The following DLG5 variants were observed in gnomAD, a reference collection of about 807,000 sequenced individuals.
DLG5 encodes disks large homolog 5.
A neutral mutation model predicts 189.8 loss-of-function variants in DLG5; 48 were observed. The ratio of observed to expected loss-of-function variants is 0.25; its 90% CI spans 0.20 to 0.32. The LOEUF (loss-of-function observed/expected upper bound fraction) is 0.32. Among genes scored for constraint, DLG5 ranks in the 10% least tolerant of loss-of-function variants. The probability of loss-of-function intolerance (pLI) is 1.00; values close to 1 mark genes in which losing one functional copy is unlikely to be tolerated. For synonymous variants in DLG5, 1,016 were observed against 1,054.1 expected, an observed-to-expected ratio of 0.96 and a Z score of 0.70; for missense variants, 2,160 against 2,544.7, an observed-to-expected ratio of 0.85 and a Z score of 3.25.
At chr10:77,828,773 C>T (rs1322768174) in intron 13 of DLG5, 109 bp downstream of exon 13, 1 of 1,007,092 alleles carries the variant, frequency 9.9e-7, no homozygotes. Flanking sequence ...AGTACAATGC[C>T]CACAACAAGG....
chr10:77,817,717 G>A (rs2154575496), intron 18 of DLG5, 60 bp downstream of exon 18: 2 of 1,427,006 alleles, frequency 1.4e-6, no homozygotes, highest in Non-Finnish European at 1.9e-6. Context: ...ACATTAGGAT[G>A]CAGGCAGAGA....
chr10:77,826,896 C>T (rs1470693700), intron 13 of DLG5, among the ~76,000 whole-genome samples: 1 of 151,802 alleles, frequency 6.6e-6, no homozygotes, highest in African/African-American at 2.4e-5. Flanking sequence ...TACAGTGAGC[C>T]CAGATCACAC....
At chr10:77,828,064 A>T (rs1203697017) in intron 13 of DLG5, among the ~76,000 whole-genome samples, 1 of 150,540 alleles carries the variant, frequency 6.6e-6, no homozygotes, top group African/African-American at 2.4e-5. Flanking sequence ...AAAAAATTTA[A>T]AAATAAGTAT....
chr10:77,925,192 G>A (rs1846648429), intron 1 of DLG5, among the ~76,000 whole-genome samples: 1 of 152,158 alleles, frequency 6.6e-6, no homozygotes, highest in African/African-American at 2.4e-5. Context: ...AATACTTTCT[G>A]AGCATTTTAA....
chr10:77,833,064 C>T (rs1203854005), intron 9 of DLG5, among the ~76,000 whole-genome samples: 2 of 152,174 alleles, frequency 1.3e-5, no homozygotes, highest in East Asian at 3.9e-4. Context: ...TGCCCCCTCA[C>T]CACACTAACA....
At position 77,821,160 on chromosome 10, in the gene DLG5, C is replaced by G; in HGVS notation, c.3324G>C (p.Gln1108His). The change falls in exon 15 of 32, where the codon CAG becomes CAC. Residue 1108 changes from glutamine to histidine, a missense_variant. By Grantham distance (24) the Gln-to-His change is conservative. Transcript: ENST00000372391. ...GAGCAGATTTTGGCCGGCGACGCTT[C>G]TGCCCCAGCTCATCCACCTTCTGGG... The part of the protein sequence containing the change: ...LTSQKVDELG[Q>H]KRRRPKSAPS... The G allele has an allele frequency of 1.2e-6, 2 of 1,614,186 alleles. No individual in the cohort carries two copies. The highest frequency in any genetic ancestry group is 1.7e-6 in the Non-Finnish European group (2 of 1,180,052).
chr10:77,832,003 T>A (rs769131491), intron 9 of DLG5, among the ~76,000 whole-genome samples: 2 of 151,674 alleles, frequency 1.3e-5, no homozygotes, highest in African/African-American at 2.4e-5. Flanking sequence ...AGGTCAGGGG[T>A]TCAAGACCAG....
intron 20 of DLG5, 149 bp from the exon 21 acceptor site, chr10:77,812,526 G>C (rs1052151288): frequency 8.0e-6 from 7 of 879,554 alleles, no homozygotes; most frequent in African/African-American, 1.7e-5. Flanking sequence ...ATGGGGACAT[G>C]GTGGGCCCAC....
At chr10:77,905,815 T>A (rs1846056587) in intron 1 of DLG5, among the ~76,000 whole-genome samples, 1 of 152,188 alleles carries the variant, frequency 6.6e-6, no homozygotes, top group Non-Finnish European at 1.5e-5. Context: ...TTCCCTCCCC[T>A]CACCCACAGT....
intron 1 of DLG5, among the ~76,000 whole-genome samples, chr10:77,887,198 C>G (rs992143184): frequency 6.6e-6 from 1 of 152,206 alleles, no homozygotes; most frequent in Non-Finnish European, 1.5e-5. Context: ...CCCCAAGGCT[C>G]TCCAAGATCA....
At position 77,796,339 on chromosome 10, in the gene DLG5, T is replaced by C; in HGVS notation, c.5308+112A>G. 6.3e-6 allele frequency: 10 copies of C among 1,586,564 alleles called. No homozygotes were observed. Among genetic ancestry groups the C allele is most frequent in the Non-Finnish European group, 8.6e-6 (10 of 1,162,914 alleles). ...ATGTCAGCAGGCTTCTGGAACACTG[T>C]GAAATCTGCCCCCCGGTACTGCCAC... On this transcript the variant is annotated intron_variant, in intron 28 of 31. Transcript: ENST00000372391. This position sits in a 1 kb window ranked among gnomAD's most constrained non-coding sequence, Gnocchi z 5.2.
intron 1 of DLG5, among the ~76,000 whole-genome samples, chr10:77,892,061 C>G (rs142583094): frequency 6.6e-6 from 1 of 152,216 alleles, no homozygotes; most frequent in African/African-American, 2.4e-5. Flanking sequence ...GTCCCAGACT[C>G]GGGAGGACGG....
rs546569084 is a variant in DLG5, at chr10:77,829,955, C to T, written c.2009+262G>A. ...ATGCCATGTACATCCTGGGCTCTCA[C>T]GCATACCCCTTGAGCACTTTCCCAC... On this transcript the variant is annotated intron_variant, in intron 11 of 31. Coordinates refer to ENST00000372391, the MANE Select transcript of DLG5 (RefSeq NM_004747.4). 1.8e-3 allele frequency among the ~76,000 whole-genome samples: 267 copies of T among 152,318 alleles called. 6 individuals are homozygous for T. Among genetic ancestry groups the T allele is most frequent in the Non-Finnish European group, 7.1e-4 (48 of 68,034 alleles).
Position 77,830,223 on chromosome 10 carries a change from C to T in DLG5, c.2003G>A (p.Arg668His), listed in dbSNP as rs1564524644. ...KVDKGSIADGRLRVNDWLLRI... is the reference protein window; with the variant it reads ...KVDKGSIADGHLRVNDWLLRI... The stretch of plus-strand genomic sequence containing the variant: ...CCTGGGCCTCAACTCTTACCTTAAG[C>T]GGCCATCAGCAATGCTTCCTTTGTC... The change falls in exon 11 of 32, where the codon CGC becomes CAC. Residue 668 changes from arginine to histidine, a missense_variant. Coordinates refer to ENST00000372391, the MANE Select transcript of DLG5 (RefSeq NM_004747.4). 3 of 1,614,070 alleles carry T rather than the reference C, an allele frequency of 1.9e-6. No individual in the cohort carries two copies. The highest frequency in any genetic ancestry group is 2.2e-5 in the East Asian group (1 of 44,888).
In DLG5 at chr10:77,812,362, C is replaced by A. The variant is rs1233035697; in HGVS notation, c.4041G>T (p.Glu1347Asp). Residue 1347 changes from glutamate to aspartate, a missense_variant, in exon 21 of 32, where the codon GAG becomes GAT. Coordinates refer to ENST00000372391, the MANE Select transcript of DLG5 (RefSeq NM_004747.4). ...ERRKDRPYVE[E>D]PRHVKVQKGS... ...CCTTCTGCACCTTCACGTGGCGTGG[C>A]TCCTCCACATAAGGCCTAAGGAAAA... is the stretch of plus-strand genomic sequence containing the variant. 3 of 1,612,890 alleles carry A rather than the reference C, an allele frequency of 1.9e-6. No individual in the cohort carries two copies. The African/African-American group carries it at 4.0e-5, about 22-fold the overall frequency.
chr10:77,876,373 CTTTTTTTT>C (rs60644218), intron 1 of DLG5, among the ~76,000 whole-genome samples: 1 of 134,914 alleles, frequency 7.4e-6, no homozygotes, highest in Non-Finnish European at 1.6e-5. Context: ...CCCCATCTCT[CTTTTTTTT>C]TTTTTTTTTT....
chr10:77,796,286 C>A lies in DLG5; in HGVS notation c.5309-98G>T. 6.3e-7 allele frequency: 1 copy of A among 1,597,554 alleles called. No homozygotes were observed. The highest frequency in any genetic ancestry group is 1.1e-5 in the South Asian group (1 of 89,666). On this transcript the variant is annotated intron_variant, in intron 28 of 31. Transcript: ENST00000372391. The surrounding 1 kb of genome is among the most constrained non-coding windows in gnomAD (Gnocchi z 5.2). ...ACACTGCTCAGCAGCTGTCAGTAACCCAGTCCTGCCATGCATGAATCTGAC... is the reference window on the plus strand; with the variant it reads ...ACACTGCTCAGCAGCTGTCAGTAACACAGTCCTGCCATGCATGAATCTGAC...
At chr10:77,795,637 C>G (rs1299827369) in intron 29 of DLG5, among the ~76,000 whole-genome samples, 2 of 152,102 alleles carry the variant, frequency 1.3e-5, no homozygotes, top group African/African-American at 4.8e-5. Context: ...TCGAAGGCAC[C>G]GAGAGTCATA....
chr10:77,940,321 A>G, the DLG5 span, among the ~76,000 whole-genome samples: 1 of 152,216 alleles, frequency 6.6e-6, no homozygotes, highest in African/African-American at 2.4e-5. Context: ...AAGTGATGGT[A>G]GCTGACTCCC....
Sources: allele counts gnomAD v4.1 joint callset (sites outside exome capture counted in the v4.1 genomes callset), GRCh38; gene constraint gnomAD v4.1.1; non-coding constraint Gnocchi (gnomAD v3.1); transcripts MANE v1.5; gene names NCBI Gene and HGNC (gene_info 2026-07-23, HGNC 2026-07-21).